WDPCP: variants seen among roughly 807,000 people sequenced by gnomAD.
WDPCP encodes WD repeat containing planar cell polarity effector.
In WDPCP, 71 loss-of-function variants were observed where a neutral mutation model predicts 93.1. The ratio of observed to expected loss-of-function variants is 0.76; its 90% CI spans 0.63 to 0.93. WDPCP has a LOEUF of 0.93. WDPCP is among the 40% of genes least tolerant of loss of function. The pLI is 0.00. For synonymous variants in WDPCP, 315 were observed against 315.0 expected, an observed-to-expected ratio of 1.00 and a Z score of 0.00; for missense variants, 844 against 887.4, an observed-to-expected ratio of 0.95 and a Z score of 0.62.
chr2:63,758,595 C>T (rs1419034115), intron 2 of WDPCP, among the ~76,000 whole-genome samples: 7 of 152,050 alleles, frequency 4.6e-5, no homozygotes, highest in Non-Finnish European at 8.8e-5. Context: ...CATGCCACCA[C>T]GGCTGGCTAA....
At chr2:63,830,364 C>T (rs993125014), upstream of WDPCP, among the ~76,000 whole-genome samples, 2 of 152,032 alleles carry the variant, frequency 1.3e-5, no homozygotes, top group Admixed American at 6.6e-5. Flanking sequence ...TTTGCTAGAA[C>T]ATTTCTTAAG....
intron 6 of WDPCP, among the ~76,000 whole-genome samples, chr2:63,455,470 G>A (rs1698562521): frequency 6.7e-6 from 1 of 150,168 alleles, no homozygotes. Context: ...AAAGTAAAGG[G>A]ATGGAAAAAG....
At chr2:63,522,358 A>G (rs1237930062) in intron 1 of WDPCP, among the ~76,000 whole-genome samples, 1 of 152,034 alleles carries the variant, frequency 6.6e-6, no homozygotes, top group Non-Finnish European at 1.5e-5. Flanking sequence ...TAGAGGAACT[A>G]GAGAAACAAG....
intron 17 of WDPCP, among the ~76,000 whole-genome samples, chr2:63,143,099 A>G (rs935299408): frequency 2.0e-5 from 3 of 151,974 alleles, no homozygotes; most frequent in East Asian, 1.9e-4. Context: ...CTACAGGCAC[A>G]TGTCACCGCA....
Position 63,486,602 on chromosome 2 carries a change from A to C in WDPCP, c.209-16T>G. 6.4e-7 allele frequency: 1 copy of C among 1,562,158 alleles called. No individual in the cohort carries two copies. The highest frequency in any genetic ancestry group is 8.7e-7 in the Non-Finnish European group (1 of 1,150,630). ...TGCTCTGTCGCTGATATTGTGGCAG[A>C]AGGGATAGAAAGAAAAAAACAAAAG... On this transcript the variant is annotated splice_polypyrimidine_tract_variant and intron_variant, in intron 3 of 17. Coordinates refer to ENST00000272321, the MANE Select transcript of WDPCP (RefSeq NM_015910.7).
At position 63,401,286 on chromosome 2, in the gene WDPCP, A is replaced by C. The variant is rs1694130548; in HGVS notation, c.1435+2762T>G. On this transcript the variant is annotated intron_variant, in intron 10 of 17. Transcript: ENST00000272321. ...ATATCCAGAATCTACAAGGAACTTA[A>C]ACAAATTTACAAGAACAAAACAAAC... 2.0e-5 allele frequency among the ~76,000 whole-genome samples: 3 copies of C among 152,242 alleles called. No individual in the cohort carries two copies. The South Asian group carries it at 6.2e-4, about 31-fold the overall frequency.
At chr2:63,169,417 T>C (rs1673220725) in intron 15 of WDPCP, among the ~76,000 whole-genome samples, 1 of 152,230 alleles carries the variant, frequency 6.6e-6, no homozygotes, top group Admixed American at 6.5e-5. Context: ...TTTTGAAAAG[T>C]TTGATACTTG....
At chr2:63,734,045 A>C (rs13006124) in intron 2 of WDPCP, among the ~76,000 whole-genome samples, 53,906 of 152,052 alleles carry the variant, frequency 0.35, 10,498 homozygotes, top group Non-Finnish European at 0.43. Context: ...TAGTGTTTTT[A>C]ATGTCCATCC....
At chr2:63,395,172 C>G (rs1423637376) in intron 10 of WDPCP, among the ~76,000 whole-genome samples, 7 of 152,124 alleles carry the variant, frequency 4.6e-5, no homozygotes, top group African/African-American at 1.7e-4. Context: ...ACAAGAGTAC[C>G]TTCTACATGA....
intron 13 of WDPCP, among the ~76,000 whole-genome samples, chr2:63,282,249 G>C (rs533372529): frequency 6.6e-6 from 1 of 152,322 alleles, no homozygotes; most frequent in South Asian, 2.1e-4. Context: ...GCTCACGCCT[G>C]TAATCCCAGC....
chr2:63,783,505 G>C (rs1302846428), intron 2 of WDPCP, among the ~76,000 whole-genome samples: 1 of 152,076 alleles, frequency 6.6e-6, no homozygotes, highest in Admixed American at 6.6e-5. Context: ...CAACAGCAAA[G>C]AAATGGAATC....
At chr2:63,429,932 A>C (rs1413490993) in intron 9 of WDPCP, among the ~76,000 whole-genome samples, 1 of 151,412 alleles carries the variant, frequency 6.6e-6, no homozygotes, top group Non-Finnish European at 1.5e-5. Context: ...CATGGAATCC[A>C]CCCAGGTGCC....
intron 14 of WDPCP, among the ~76,000 whole-genome samples, chr2:63,209,970 T>C (rs1397631962): frequency 2.6e-5 from 4 of 152,168 alleles, no homozygotes; most frequent in Admixed American, 1.3e-4. Context: ...ATATGTACTG[T>C]GTTAAGATTC....
chr2:63,607,094 C>G (rs1224060976), intron 3 of WDPCP: 2 of 1,164,200 alleles, frequency 1.7e-6, no homozygotes, highest in East Asian at 5.2e-5. Flanking sequence ...TTGTGAAAAA[C>G]AACACATTTT....
At chr2:63,654,669 T>C (rs1037660246) in intron 2 of WDPCP, among the ~76,000 whole-genome samples, 2 of 152,168 alleles carry the variant, frequency 1.3e-5, no homozygotes, top group Non-Finnish European at 2.9e-5. Flanking sequence ...GCAGAATCCA[T>C]GGATAGTTGA....
intron 2 of WDPCP, among the ~76,000 whole-genome samples, chr2:63,700,844 TC>T (rs1251827574): frequency 1.3e-5 from 2 of 152,264 alleles, no homozygotes; most frequent in African/African-American, 4.8e-5. Flanking sequence ...TAGACCTCTA[TC>T]TCTCACTATA....
At chr2:63,142,492 T>G (rs1356104395) in intron 17 of WDPCP, among the ~76,000 whole-genome samples, 5 of 152,246 alleles carry the variant, frequency 3.3e-5, no homozygotes, top group African/African-American at 7.2e-5. Flanking sequence ...CACTGTGATC[T>G]GAGAGCGTGC....
At chr2:63,822,258 C>G (rs1417398474) in intron 1 of WDPCP, among the ~76,000 whole-genome samples, 1 of 151,890 alleles carries the variant, frequency 6.6e-6, no homozygotes, top group Non-Finnish European at 1.5e-5. Flanking sequence ...CTGTTGTGAC[C>G]GCATCCTAAC....
At chr2:63,392,973 A>G (rs893330643) in intron 10 of WDPCP, among the ~76,000 whole-genome samples, 1 of 152,222 alleles carries the variant, frequency 6.6e-6, no homozygotes, top group Admixed American at 6.5e-5. Flanking sequence ...TGTGTAAGAC[A>G]GTGTGGCGAT....
Sources: gnomAD v4.1 joint callset for allele counts (sites outside exome capture counted in the v4.1 genomes callset) on GRCh38, gnomAD v4.1.1 for gene constraint, MANE v1.5 for transcripts, NCBI Gene and HGNC (gene_info 2026-07-23, HGNC 2026-07-21) for gene names.